ASCC3: variants seen among roughly 807,000 people sequenced by gnomAD.
ASCC3 encodes activating signal cointegrator 1 complex subunit 3, also known as ASC-1 complex subunit P200.
ASCC3 carries 158 observed loss-of-function variants against 256.3 expected under a neutral mutation model. The observed-to-expected ratio is 0.62, with a 90% confidence interval of 0.54 to 0.70. The LOEUF (loss-of-function observed/expected upper bound fraction) is 0.70. ASCC3 is among the 30% of genes least tolerant of loss of function. ASCC3 has a pLI of 0.00. For synonymous variants in ASCC3, 948 were observed against 883.4 expected (o/e 1.07, Z -1.30); for missense variants, 2,259 against 2,626.0 (o/e 0.86, Z 3.05).
chr6:100,634,943 T>G (rs1002181474), intron 25 of ASCC3, among the ~76,000 whole-genome samples: 1 of 151,842 alleles, frequency 6.6e-6, no homozygotes, highest in Non-Finnish European at 1.5e-5. Context: ...AAGGTAACTG[T>G]TACTGTACAT....
intron 4 of ASCC3, among the ~76,000 whole-genome samples, chr6:100,808,050 C>T (rs1425196117): frequency 1.3e-5 from 2 of 151,876 alleles, no homozygotes; most frequent in Non-Finnish European, 2.9e-5. Context: ...GTTGCCAATG[C>T]TAAAATGCAA....
intron 13 of ASCC3, among the ~76,000 whole-genome samples, chr6:100,690,770 G>A (rs1343723071): frequency 6.6e-6 from 1 of 152,130 alleles, no homozygotes; most frequent in Non-Finnish European, 1.5e-5. Context: ...CCACAATAGT[G>A]AGATGTGGTT....
intron 3 of ASCC3, chr6:100,858,637 A>G (rs1039527413): frequency 3.0e-6 from 3 of 990,848 alleles, no homozygotes; most frequent in African/African-American, 3.5e-5. Context: ...CACTCATTAT[A>G]AACACTTGAT....
At chr6:100,835,147 A>T (rs1485864888) in intron 4 of ASCC3, among the ~76,000 whole-genome samples, 2 of 151,548 alleles carry the variant, frequency 1.3e-5, no homozygotes, top group Admixed American at 1.3e-4. Context: ...TTCCTCTTTA[A>T]TTACACAGAA....
intron 8 of ASCC3, among the ~76,000 whole-genome samples, chr6:100,777,083 C>T (rs1324856692): frequency 3.3e-5 from 5 of 152,028 alleles, no homozygotes; most frequent in Non-Finnish European, 4.4e-5. Context: ...CCATAATCTA[C>T]GTAAGTCACG....
chr6:100,873,046 G>A (rs1359051881), intron 1 of ASCC3, among the ~76,000 whole-genome samples: 2 of 151,842 alleles, frequency 1.3e-5, no homozygotes, highest in African/African-American at 4.8e-5. Context: ...AGAAATCCCT[G>A]ATTTACCTGA....
In ASCC3 at chr6:100,638,709, C is replaced by A; in HGVS notation, c.4014G>T (p.Leu1338Phe). 6.2e-7 allele frequency: 1 copy of A among 1,613,982 alleles called. No individual in the cohort carries two copies. Among genetic ancestry groups the A allele is most frequent in the Non-Finnish European group, 8.5e-7 (1 of 1,179,920 alleles). The stretch of plus-strand genomic sequence containing the variant: ...GTAGGACATTACAATCCGTGTGATA[C>A]AATGTATGAAATATTTGTGTCTGTA... ...NPVQTQIFHTLYHTDCNVLLG... is the reference protein window; with the variant it reads ...NPVQTQIFHTFYHTDCNVLLG... Residue 1338 changes from leucine (L) to phenylalanine (F), a missense_variant, in exon 25 of 42, where the codon TTG (leucine) becomes TTT (phenylalanine). Physicochemically the swap from Leu to Phe is conservative, Grantham distance 22. Coordinates refer to ENST00000369162, the MANE Select transcript of ASCC3 (RefSeq NM_006828.4).
intron 37 of ASCC3, among the ~76,000 whole-genome samples, chr6:100,520,082 C>T (rs973713204): frequency 1.3e-5 from 2 of 152,088 alleles, no homozygotes; most frequent in African/African-American, 4.8e-5. Context: ...TCTCTTTGCC[C>T]CCACTGCTTT....
intron 11 of ASCC3, among the ~76,000 whole-genome samples, chr6:100,723,304 G>A (rs892307396): frequency 6.6e-6 from 1 of 151,144 alleles, no homozygotes; most frequent in Admixed American, 6.6e-5. Flanking sequence ...AAATTTCAGG[G>A]GTGTGTCTTA....
At chr6:100,613,948 A>G (rs992093844) in intron 30 of ASCC3, among the ~76,000 whole-genome samples, 2 of 152,052 alleles carry the variant, frequency 1.3e-5, no homozygotes, top group African/African-American at 4.8e-5. Flanking sequence ...GGCCATTTGT[A>G]TGTCTTCTTT....
chr6:100,768,835 T>C (rs1278417046), intron 8 of ASCC3, among the ~76,000 whole-genome samples: 2 of 152,120 alleles, frequency 1.3e-5, no homozygotes, highest in Non-Finnish European at 2.9e-5. Context: ...CAAGTCTTAA[T>C]AAATTAAAAA....
chr6:100,851,731 A>G (rs2114513043), intron 3 of ASCC3, among the ~76,000 whole-genome samples: 1 of 152,302 alleles, frequency 6.6e-6, no homozygotes. Flanking sequence ...ACCACAGAAC[A>G]GTTTTTCAAC....
chr6:100,715,988 T>C (rs1318188625), intron 12 of ASCC3, among the ~76,000 whole-genome samples: 1 of 151,836 alleles, frequency 6.6e-6, no homozygotes, highest in Non-Finnish European at 1.5e-5. Context: ...CACACAGAGC[T>C]AAAACATAAG....
intron 13 of ASCC3, among the ~76,000 whole-genome samples, chr6:100,702,280 G>A (rs892743601): frequency 6.6e-6 from 1 of 152,150 alleles, no homozygotes; most frequent in Non-Finnish European, 1.5e-5. Context: ...GCATTGGTGA[G>A]GGTTTACAAA....
intron 23 of ASCC3, among the ~76,000 whole-genome samples, 175 bp from the exon 24 acceptor site, chr6:100,642,924 G>C (rs1775201246): frequency 6.6e-6 from 1 of 152,126 alleles, no homozygotes; most frequent in Non-Finnish European, 1.5e-5. Flanking sequence ...GTGCCCTTCT[G>C]AGGATACCTG....
chr6:100,770,259 T>G (rs2115139515), intron 8 of ASCC3, among the ~76,000 whole-genome samples: 1 of 152,042 alleles, frequency 6.6e-6, no homozygotes, highest in South Asian at 2.1e-4. Flanking sequence ...AAATCGAACA[T>G]CCATTTATTA....
rs375802564 is a variant in ASCC3, at chr6:100,880,323, GT to G, written c.-42+737del. On this transcript the variant is annotated intron_variant, in intron 1 of 41. Coordinates refer to ENST00000369162, the MANE Select transcript of ASCC3 (RefSeq NM_006828.4). ...TTCAATCTATGAAACATAAAATCTG[GT>G]GATGGAGAAAATGGCTGTCAATCTC... is the stretch of plus-strand genomic sequence containing the variant. 1.8e-4 allele frequency among the ~76,000 whole-genome samples: 27 copies of G among 152,230 alleles called. No individual in the cohort carries two copies. The East Asian group carries it at 4.4e-3, about 25-fold the overall frequency.
rs138237433 is a variant in ASCC3, at chr6:100,827,604, A to G, written c.801+20544T>C. 3.9e-5 allele frequency among the ~76,000 whole-genome samples: 6 copies of G among 152,294 alleles called. No individual in the cohort carries two copies. The East Asian group carries it at 1.2e-3, about 29-fold the overall frequency. On this transcript the variant is annotated intron_variant, in intron 4 of 41. Coordinates refer to ENST00000369162, the MANE Select transcript of ASCC3 (RefSeq NM_006828.4). ...ATGAAGGATATCTCAGCTGCTTCCA[A>G]GTTTTGGCAATTAAGTCTTTTTTTA...
chr6:100,864,143 C>T lies in ASCC3; in HGVS notation c.162G>A (p.Leu54=). The part of the protein sequence containing the change: ...GLTWKKIIKF[L]NEKLEKSKMQ... ...TTTTACTCTTCTCCAGTTTTTCATT[C>T]AAAAATTTTATTATCTTCTTCCATG... The change falls in exon 3 of 42, where the codon TTG becomes TTA. Residue 54 remains leucine (L), a synonymous_variant. Coordinates refer to ENST00000369162, the MANE Select transcript of ASCC3 (RefSeq NM_006828.4). 6.2e-7 allele frequency: 1 copy of T among 1,607,952 alleles called. No homozygotes were observed. The highest frequency in any genetic ancestry group is 8.5e-7 in the Non-Finnish European group (1 of 1,176,476).
Sources: gnomAD v4.1 joint callset for allele counts (sites outside exome capture counted in the v4.1 genomes callset) on GRCh38, gnomAD v4.1.1 for gene constraint, MANE v1.5 for transcripts, NCBI Gene and HGNC (gene_info 2026-07-23, HGNC 2026-07-21) for gene names.